ATP9B: variants seen among roughly 807,000 people sequenced by gnomAD.
The protein encoded by ATP9B is probable phospholipid-transporting ATPase IIB.
Under a neutral mutation model 146.1 loss-of-function variants are expected in ATP9B, and 110 were observed. That is an observed-to-expected ratio of 0.75 (90% CI 0.65 to 0.88). The LOEUF (loss-of-function observed/expected upper bound fraction) is 0.88, where lower values mean the gene tolerates loss of function less well. Among genes scored for constraint, ATP9B ranks in the 40% least tolerant of loss-of-function variants. ATP9B has a pLI of 0.00. For synonymous variants in ATP9B, 604 were observed against 569.7 expected, an observed-to-expected ratio of 1.06 and a Z score of -0.86; for missense variants, 1,499 against 1,496.4, an observed-to-expected ratio of 1.00 and a Z score of -0.03.
At chr18:79,302,426 G>A (rs528397503) in intron 13 of ATP9B, among the ~76,000 whole-genome samples, 13 of 145,350 alleles carry the variant, frequency 8.9e-5, no homozygotes, top group Admixed American at 6.1e-4. Context: ...AGCACCACGC[G>A]TGGCAGCACG....
At chr18:79,310,260 AGTACGGGGCTT>A (rs1283058647) in intron 15 of ATP9B, among the ~76,000 whole-genome samples, 1 of 152,254 alleles carries the variant, frequency 6.6e-6, no homozygotes, top group Non-Finnish European at 1.5e-5. Flanking sequence ...CATCATGCAC[AGTACGGGGCTT>A]GCAGCACTGG....
chr18:79,273,203 G>A (rs1183321244), intron 12 of ATP9B, among the ~76,000 whole-genome samples: 1 of 152,206 alleles, frequency 6.6e-6, no homozygotes, highest in African/African-American at 2.4e-5. Context: ...GGGTGTTTGT[G>A]ATGAATCTAA....
intron 9 of ATP9B, among the ~76,000 whole-genome samples, chr18:79,202,268 C>A (rs1158601632): frequency 2.6e-5 from 4 of 152,130 alleles, no homozygotes; most frequent in Admixed American, 6.5e-5. Context: ...TCGCTAATTT[C>A]ACTTATTGTT....
chr18:79,119,071 A>T (rs996903951), intron 4 of ATP9B, among the ~76,000 whole-genome samples: 5 of 138,086 alleles, frequency 3.6e-5, no homozygotes, highest in Non-Finnish European at 1.6e-5. Flanking sequence ...ACCGTGTCTT[A>T]AAAAAAAAAA....
chr18:79,349,136 C>G (rs1459377587), intron 25 of ATP9B, among the ~76,000 whole-genome samples: 1 of 152,210 alleles, frequency 6.6e-6, no homozygotes, highest in Non-Finnish European at 1.5e-5. Flanking sequence ...TTTCTCTTTT[C>G]CTCCTCCTCT....
At chr18:79,326,085 T>C (rs1195676359) in intron 15 of ATP9B, among the ~76,000 whole-genome samples, 4 of 55,662 alleles carry the variant, frequency 7.2e-5, no homozygotes, top group African/African-American at 1.8e-4. Context: ...GTCACCTCTG[T>C]ACCCTCCCTC....
intron 9 of ATP9B, among the ~76,000 whole-genome samples, chr18:79,199,106 C>T (rs2095442246): frequency 6.6e-6 from 1 of 152,130 alleles, no homozygotes; most frequent in Non-Finnish European, 1.5e-5. Context: ...CACGCACTGC[C>T]ACGCCGGGCT....
At position 79,345,808 on chromosome 18, in the gene ATP9B, C is replaced by A. The variant is rs1217914404; in HGVS notation, c.2651C>A (p.Ala884Glu). Residue 884 changes from alanine (A) to glutamate (E), a missense_variant, in exon 23 of 30, where the codon GCA becomes GAA. Physicochemically the swap from Ala to Glu is moderately radical, Grantham distance 107 (BLOSUM62 -1). Transcript: ENST00000426216. Reference protein sequence around the residue: ...DGGNDVSMIQAADCGIGIEGK... With the variant: ...DGGNDVSMIQEADCGIGIEGK... ...GGAAATGATGTCAGCATGATTCAGG[C>A]AGCAGACTGTGGGATTGGGATTGAG... The A allele has an allele frequency of 6.2e-7, 1 of 1,614,244 alleles. No individual in the cohort carries two copies. Among genetic ancestry groups the A allele is most frequent in the Non-Finnish European group, 8.5e-7 (1 of 1,180,048 alleles).
chr18:79,126,253 ATTTTG>A lies in ATP9B; in HGVS notation c.559-9_559-5del, dbSNP rs2094284840. The A allele has an allele frequency of 2.5e-6, 4 of 1,576,804 alleles. No homozygotes were observed. In the Admixed American group the frequency reaches 7.2e-5, roughly 28 times the overall value. On this transcript the variant is annotated splice_polypyrimidine_tract_variant and intron_variant, in intron 4 of 29. Transcript: ENST00000426216. ...AAGTTTAGTTTTCTAAAAATACCTT[ATTTTG>A]TTTTATAGGGATTTGTCTTGGCTGT... is the stretch of plus-strand genomic sequence containing the variant.
intron 7 of ATP9B, among the ~76,000 whole-genome samples, chr18:79,166,345 G>C (rs2094964671): frequency 6.6e-6 from 1 of 152,126 alleles, no homozygotes; most frequent in Admixed American, 6.5e-5. Context: ...ATGGGACTCG[G>C]AGCAAATGTG....
chr18:79,319,072 A>G (rs1049325279), intron 15 of ATP9B, among the ~76,000 whole-genome samples: 5 of 152,144 alleles, frequency 3.3e-5, no homozygotes, highest in African/African-American at 1.2e-4. Context: ...TCGGCCACCC[A>G]TTTCATTCAC....
chr18:79,333,480 A>C (rs1369480002), intron 17 of ATP9B, among the ~76,000 whole-genome samples: 1 of 152,238 alleles, frequency 6.6e-6, no homozygotes, highest in African/African-American at 2.4e-5. Flanking sequence ...CTTGTTTAGG[A>C]TATCCTTGCT....
At chr18:79,330,164 G>T in intron 17 of ATP9B, 60 bp downstream of exon 17, 1 of 1,464,348 alleles carries the variant, frequency 6.8e-7, no homozygotes, top group South Asian at 1.1e-5. Context: ...GTATGTGAGT[G>T]ACTCTCAGCC....
intron 17 of ATP9B, 104 bp from the exon 18 acceptor site, chr18:79,336,524 T>C (rs2096827963): frequency 3.0e-6 from 3 of 1,016,498 alleles, no homozygotes; most frequent in Non-Finnish European, 4.5e-6. Context: ...GCACAGGACA[T>C]GAGGGCAGGG....
chr18:79,112,092 A>G (rs1392045955), intron 3 of ATP9B, among the ~76,000 whole-genome samples: 1 of 152,216 alleles, frequency 6.6e-6, no homozygotes, highest in East Asian at 1.9e-4. Flanking sequence ...AGTGTAACTG[A>G]TTTTGAGTCC....
intron 2 of ATP9B, among the ~76,000 whole-genome samples, chr18:79,100,157 A>G (rs541296747): frequency 6.6e-6 from 1 of 152,290 alleles, no homozygotes; most frequent in East Asian, 1.9e-4. Context: ...AGTGTTTGTA[A>G]TGTGTTGAGA....
intron 13 of ATP9B, among the ~76,000 whole-genome samples, chr18:79,295,421 C>T (rs983914957): frequency 6.6e-6 from 1 of 152,144 alleles, no homozygotes; most frequent in African/African-American, 2.4e-5. Flanking sequence ...CTTTTACTGT[C>T]TACAATTTTT....
intron 12 of ATP9B, among the ~76,000 whole-genome samples, chr18:79,266,073 C>G (rs1330688865): frequency 1.3e-5 from 2 of 152,054 alleles, no homozygotes; most frequent in East Asian, 1.9e-4. Flanking sequence ...GTTCTGGGTT[C>G]TCTATTCTGT....
chr18:79,209,550 C>A, intron 10 of ATP9B: 1 of 549,662 alleles, frequency 1.8e-6, no homozygotes, highest in Non-Finnish European at 2.3e-6. Flanking sequence ...GACCTCAGTT[C>A]TCTTGATGAC....
Sources: gnomAD v4.1 joint callset for allele counts (sites outside exome capture counted in the v4.1 genomes callset) on GRCh38, gnomAD v4.1.1 for gene constraint, MANE v1.5 for transcripts, NCBI Gene and HGNC (gene_info 2026-07-23, HGNC 2026-07-21) for gene names.